Variants in KCNQ5 observed in about 807,000 individuals in gnomAD.
KCNQ5 encodes the protein potassium voltage-gated channel subfamily Q member 5, also known as potassium voltage-gated channel subfamily KQT member 5.
In KCNQ5, 30 loss-of-function variants were observed where a neutral mutation model predicts 98.2. The observed-to-expected ratio is 0.31, with a 90% CI of 0.23 to 0.41. The LOEUF (loss-of-function observed/expected upper bound fraction) is 0.41, where lower values mean the gene tolerates loss of function less well. KCNQ5 is among the 10% of genes least tolerant of loss of function. The pLI, the probability that KCNQ5 is intolerant of heterozygous loss-of-function variation, is 1.00. For synonymous variants in KCNQ5, 458 were observed against 449.4 expected (o/e 1.02, Z -0.24); for missense variants, 835 against 1,182.5 (o/e 0.71, Z 4.31).
intron 1 of KCNQ5, among the ~76,000 whole-genome samples, chr6:72,901,863 G>GT (rs1321556868): frequency 1.3e-5 from 2 of 151,968 alleles, no homozygotes; most frequent in African/African-American, 2.4e-5. Flanking sequence ...TTTTATCATT[G>GT]TTTTTTCTAA....
At chr6:73,023,270 A>T (rs1321490436) in intron 2 of KCNQ5, among the ~76,000 whole-genome samples, 1 of 152,202 alleles carries the variant, frequency 6.6e-6, no homozygotes, top group Non-Finnish European at 1.5e-5. Flanking sequence ...ATGGTCAGAT[A>T]GTGATGACAT....
At chr6:73,132,200 A>G (rs1257982925) in intron 9 of KCNQ5, among the ~76,000 whole-genome samples, 1 of 152,154 alleles carries the variant, frequency 6.6e-6, no homozygotes, top group African/African-American at 2.4e-5. Context: ...CTTCGTCTCA[A>G]ATAAGCCTTA....
chr6:72,846,565 G>A (rs1193496946), intron 1 of KCNQ5, among the ~76,000 whole-genome samples: 2 of 151,900 alleles, frequency 1.3e-5, no homozygotes, highest in East Asian at 3.9e-4. Context: ...TGTAGTCCCA[G>A]CTACTTGGGA....
chr6:73,110,233 T>G (rs1362973842), intron 6 of KCNQ5, among the ~76,000 whole-genome samples: 1 of 152,188 alleles, frequency 6.6e-6, no homozygotes, highest in Non-Finnish European at 1.5e-5. Context: ...AAACTAATAA[T>G]TTATAGCTAG....
At chr6:72,900,271 G>T (rs1228389464) in intron 1 of KCNQ5, among the ~76,000 whole-genome samples, 2 of 151,320 alleles carry the variant, frequency 1.3e-5, no homozygotes, top group African/African-American at 2.4e-5. Context: ...AGATCACTGT[G>T]AATGCCGTGA....
chr6:73,035,089 C>T (rs1389649546), intron 2 of KCNQ5, among the ~76,000 whole-genome samples: 1 of 152,088 alleles, frequency 6.6e-6, no homozygotes, highest in African/African-American at 2.4e-5. Context: ...TCGTGACCCA[C>T]CCGCCTCGGC....
chr6:72,744,867 G>T (rs1345698338), intron 1 of KCNQ5, among the ~76,000 whole-genome samples: 2 of 152,004 alleles, frequency 1.3e-5, no homozygotes, highest in Non-Finnish European at 2.9e-5. Context: ...AGGTACAACA[G>T]ATTTGCTGAG....
intron 1 of KCNQ5, among the ~76,000 whole-genome samples, chr6:72,784,066 C>G (rs1773617696): frequency 6.6e-6 from 1 of 152,330 alleles, no homozygotes; most frequent in Admixed American, 6.5e-5. Context: ...CACACCACCT[C>G]TCCTGGCTCT....
At chr6:72,924,784 G>T (rs971799572) in intron 1 of KCNQ5, among the ~76,000 whole-genome samples, 1 of 152,112 alleles carries the variant, frequency 6.6e-6, no homozygotes, top group Admixed American at 6.5e-5. Flanking sequence ...GGAATTTTTG[G>T]TACTAAACCC....
At chr6:72,894,318 C>T (rs1163805714) in intron 1 of KCNQ5, among the ~76,000 whole-genome samples, 1 of 152,144 alleles carries the variant, frequency 6.6e-6, no homozygotes, top group Non-Finnish European at 1.5e-5. Context: ...ACAGAATTAC[C>T]CAGTACCTTG....
At chr6:72,657,737 T>C (rs1308778142) in intron 1 of KCNQ5, among the ~76,000 whole-genome samples, 1 of 152,266 alleles carries the variant, frequency 6.6e-6, no homozygotes, top group Non-Finnish European at 1.5e-5. Flanking sequence ...ATGTTATAGT[T>C]ACAGCTTTTA....
At chr6:73,138,883 T>C (rs1776590177) in intron 10 of KCNQ5, among the ~76,000 whole-genome samples, 1 of 152,224 alleles carries the variant, frequency 6.6e-6, no homozygotes, top group Non-Finnish European at 1.5e-5. Context: ...TCATGTTCCT[T>C]TCTCCTCTCA....
At chr6:72,666,852 A>G (rs1447170352) in intron 1 of KCNQ5, among the ~76,000 whole-genome samples, 1 of 152,224 alleles carries the variant, frequency 6.6e-6, no homozygotes, top group African/African-American at 2.4e-5. Flanking sequence ...ATGGTGAACT[A>G]ACTCCTAGGG....
At chr6:72,630,584 C>T (rs1324275936) in intron 1 of KCNQ5, 1 of 152,150 alleles carries the variant, frequency 6.6e-6, no homozygotes, top group Non-Finnish European at 1.5e-5. Flanking sequence ...TTTACTTTTC[C>T]TATACAGGTA....
chr6:73,190,239 T>C (rs976440665), intron 11 of KCNQ5, among the ~76,000 whole-genome samples: 3 of 152,196 alleles, frequency 2.0e-5, no homozygotes, highest in Admixed American at 6.5e-5. Context: ...AGATGTTGTA[T>C]CTTGGACTTC....
chr6:72,778,934 T>C (rs1458725531), intron 1 of KCNQ5, among the ~76,000 whole-genome samples: 1 of 152,186 alleles, frequency 6.6e-6, no homozygotes, highest in Admixed American at 6.5e-5. Flanking sequence ...TTCATTAAAT[T>C]TGGTAATGAA....
At chr6:72,857,338 A>C (rs536104776) in intron 1 of KCNQ5, among the ~76,000 whole-genome samples, 1 of 152,332 alleles carries the variant, frequency 6.6e-6, no homozygotes, top group South Asian at 2.1e-4. Flanking sequence ...TTATATTAAA[A>C]AATTTTAAAG....
At chr6:72,897,560 A>T (rs545336363) in intron 1 of KCNQ5, among the ~76,000 whole-genome samples, 39 of 152,328 alleles carry the variant, frequency 2.6e-4, no homozygotes, top group Middle Eastern at 3.4e-3. Flanking sequence ...AAGCAAAAAA[A>T]TGAGGGTCAC....
intron 1 of KCNQ5, among the ~76,000 whole-genome samples, chr6:72,969,131 A>C (rs932531443): frequency 6.6e-6 from 1 of 152,214 alleles, no homozygotes; most frequent in Non-Finnish European, 1.5e-5. Flanking sequence ...GTATTACTTA[A>C]TAATTAAGAA....
Sources: gnomAD v4.1 joint callset for allele counts (sites outside exome capture counted in the v4.1 genomes callset) on GRCh38, gnomAD v4.1.1 for gene constraint, MANE v1.5 for transcripts, NCBI Gene and HGNC (gene_info 2026-07-23, HGNC 2026-07-21) for gene names.